PPP1R12B: variants seen among roughly 807,000 people sequenced by gnomAD.
The protein encoded by PPP1R12B is protein phosphatase 1 regulatory subunit 12B, also known as myosin phosphatase target subunit 2.
In PPP1R12B, 76 loss-of-function variants were observed where a neutral mutation model predicts 126.1. The ratio of observed to expected loss-of-function variants is 0.60; its 90% confidence interval spans 0.50 to 0.73. The LOEUF (loss-of-function observed/expected upper bound fraction) is 0.73. Ranked by LOEUF, PPP1R12B falls within the 30% of genes least tolerant of loss-of-function variation. The pLI, the probability that PPP1R12B is intolerant of heterozygous loss-of-function variation, is 0.00. For missense variants in PPP1R12B, 1,052 were observed against 1,205.1 expected, an observed-to-expected ratio of 0.87 and a Z score of 1.88; for synonymous variants, 356 against 434.7, an observed-to-expected ratio of 0.82 and a Z score of 2.25.
chr1:202,548,197 G>C (rs1378636728), intron 18 of PPP1R12B, among the ~76,000 whole-genome samples: 1 of 152,118 alleles, frequency 6.6e-6, no homozygotes, highest in African/African-American at 2.4e-5. Context: ...TGAAACTACT[G>C]TCTCTTCTTT....
At chr1:202,580,396 G>GCTGGC (rs1689479272) in intron 23 of PPP1R12B, 78 bp from the exon 24 acceptor site, 2 of 1,106,730 alleles carry the variant, frequency 1.8e-6, no homozygotes, top group Non-Finnish European at 2.8e-6. Flanking sequence ...TGCTCACCAG[G>GCTGGC]CTGGCCTGGC....
intron 1 of PPP1R12B, 150 bp from the exon 2 acceptor site, chr1:202,416,637 T>C: frequency 1.7e-6 from 1 of 587,390 alleles, no homozygotes; most frequent in South Asian, 2.8e-5. Context: ...TCACAAAGCC[T>C]AGAAGTCATG....
chr1:202,360,980 T>C (rs1278856967), intron 1 of PPP1R12B, among the ~76,000 whole-genome samples: 2 of 151,488 alleles, frequency 1.3e-5, no homozygotes, highest in East Asian at 3.9e-4. Context: ...AAGCTCCACC[T>C]TCTGGGTTCA....
rs543010712 is a variant in PPP1R12B at position 202,436,867 on chromosome 1, TTTG to T, written c.1255-942_1255-940del. On this transcript the variant is annotated intron_variant, in intron 9 of 23. Transcript: ENST00000608999. ...ACCTCTAGTTTTTTTTTTGTTTTTT[TTTG>T]TTGTTGTTGTTTTTGCTGGTCAGTG... Among the ~76,000 whole-genome samples, 165 of 152,198 alleles carry T rather than the reference TTTG, an allele frequency of 1.1e-3. 1 individual carries two copies. The highest frequency in any genetic ancestry group is 6.8e-3 in the Middle Eastern group (2 of 294).
intron 1 of PPP1R12B, among the ~76,000 whole-genome samples, chr1:202,407,435 A>G (rs890579479): frequency 1.3e-5 from 2 of 152,068 alleles, no homozygotes; most frequent in Admixed American, 6.6e-5. Context: ...AAAATTCTTT[A>G]CTTCTGCTCT....
intron 1 of PPP1R12B, among the ~76,000 whole-genome samples, chr1:202,379,550 C>T (rs1310948721): frequency 2.6e-5 from 4 of 152,172 alleles, no homozygotes; most frequent in Non-Finnish European, 5.9e-5. Flanking sequence ...ATTTACACTG[C>T]TAGTATTCTA....
chr1:202,414,925 C>T (rs1484826408), intron 1 of PPP1R12B, among the ~76,000 whole-genome samples: 3 of 152,012 alleles, frequency 2.0e-5, no homozygotes, highest in Non-Finnish European at 4.4e-5. Context: ...TGGGACTACA[C>T]GTGCGTGCCA....
At chr1:202,439,449 C>A in intron 10 of PPP1R12B, 2 of 1,379,958 alleles carry the variant, frequency 1.4e-6, no homozygotes, top group Non-Finnish European at 2.0e-6. Flanking sequence ...CCCCAGCTGG[C>A]TGCCCGCCAA....
intron 9 of PPP1R12B, among the ~76,000 whole-genome samples, chr1:202,437,014 G>A (rs1239853023): frequency 6.6e-6 from 1 of 152,130 alleles, no homozygotes; most frequent in African/African-American, 2.4e-5. Flanking sequence ...CTGTATCATA[G>A]TACCTTAAAA....
chr1:202,455,205 TAGAG>T (rs138316173), intron 13 of PPP1R12B, among the ~76,000 whole-genome samples: 57,517 of 150,908 alleles, frequency 0.38, 12,907 homozygotes, highest in East Asian at 0.69. Context: ...TATATATATA[TAGAG>T]AGAGAGAGAG....
rs1689696102 is a variant in PPP1R12B at position 202,584,237 on chromosome 1, C to T, written c.*3677C>T. The T allele has an allele frequency of 6.6e-6, 1 of 152,162 alleles. No homozygotes were observed. Among genetic ancestry groups the T allele is most frequent in the African/African-American group, 2.4e-5 (1 of 41,420 alleles). 9.4% of individuals were successfully genotyped at this position (152,162 alleles called of 1,614,324 possible). A position where few individuals can be genotyped will look rare whatever the true frequency, so the allele number is the denominator to read the frequency against. ...TGTGTTTACTTCTCTTCTGGGCTTC[C>T]CCTGGTTTCTGTCCTAGTTCCCACC... On this transcript the variant is annotated 3_prime_UTR_variant, in exon 24 of 24. Transcript: ENST00000608999.
At chr1:202,506,809 T>C (rs1353359351) in intron 18 of PPP1R12B, among the ~76,000 whole-genome samples, 2 of 152,158 alleles carry the variant, frequency 1.3e-5, no homozygotes, top group Non-Finnish European at 2.9e-5. Context: ...TCATGAAGTA[T>C]AGAAAAATAT....
chr1:202,516,165 A>C (rs1395050744), intron 18 of PPP1R12B, among the ~76,000 whole-genome samples: 1 of 152,236 alleles, frequency 6.6e-6, no homozygotes, highest in African/African-American at 2.4e-5. Context: ...TAAATTATCA[A>C]TAAATCTTAG....
intron 18 of PPP1R12B, among the ~76,000 whole-genome samples, chr1:202,523,590 G>C (rs539663463): frequency 3.3e-5 from 5 of 152,346 alleles, no homozygotes; most frequent in African/African-American, 4.8e-5. Context: ...AAGAGAATCA[G>C]ATCATCTGAA....
intron 13 of PPP1R12B, among the ~76,000 whole-genome samples, chr1:202,461,006 C>T (rs1674247794): frequency 6.6e-6 from 1 of 151,770 alleles, no homozygotes; most frequent in African/African-American, 2.4e-5. Flanking sequence ...ATGAGGCTAC[C>T]CCTAGATAAC....
At chr1:202,472,234 A>G (rs1676026285) in intron 13 of PPP1R12B, 1 of 459,326 alleles carries the variant, frequency 2.2e-6, no homozygotes, top group Non-Finnish European at 3.8e-6. Flanking sequence ...TTTAATGTCT[A>G]TATTTTATCA....
chr1:202,439,372 A>G, intron 10 of PPP1R12B: 1 of 1,298,850 alleles, frequency 7.7e-7, no homozygotes, highest in Non-Finnish European at 1.1e-6. Flanking sequence ...GAACTCTTGA[A>G]GCTGGTGAAG....
chr1:202,524,711 C>A (rs1448245277), intron 18 of PPP1R12B, among the ~76,000 whole-genome samples: 1 of 152,144 alleles, frequency 6.6e-6, no homozygotes, highest in Non-Finnish European at 1.5e-5. Context: ...CTTTTTATGG[C>A]TGAGTAGTAT....
intron 2 of PPP1R12B, among the ~76,000 whole-genome samples, chr1:202,420,021 A>G (rs1161020428): frequency 1.3e-5 from 2 of 152,246 alleles, no homozygotes; most frequent in African/African-American, 4.8e-5. Context: ...ACTTTACATA[A>G]GATAATGTGA....
Sources: gnomAD v4.1 joint callset for allele counts (sites outside exome capture counted in the v4.1 genomes callset) on GRCh38, gnomAD v4.1.1 for gene constraint, MANE v1.5 for transcripts, NCBI Gene and HGNC (gene_info 2026-07-23, HGNC 2026-07-21) for gene names.